The following ZNF423 variants were observed in gnomAD, a reference collection of about 807,000 sequenced individuals.
ZNF423 encodes Ebf-associated zinc finger protein.
Under a neutral mutation model 95.8 loss-of-function variants are expected in ZNF423, and 12 were observed. The ratio of observed to expected loss-of-function variants is 0.13; its 90% CI spans 0.08 to 0.20. The LOEUF (loss-of-function observed/expected upper bound fraction) is 0.20, where lower values mean the gene tolerates loss of function less well. ZNF423 is among the 10% of genes least tolerant of loss of function. The pLI is 1.00. For synonymous variants in ZNF423, 749 were observed against 711.9 expected (o/e 1.05, Z -0.83); for missense variants, 1,316 against 1,737.1 (o/e 0.76, Z 4.31).
rs531914877 is a variant in ZNF423, at chr16:49,525,034, G to A, written c.3733+329C>T. The stretch of plus-strand genomic sequence containing the variant: ...TCAAGGCTCGGGGAGACAAACACAG[G>A]GCCCGGGAGGGGAAAACTGCCGCAG... On this transcript the variant is annotated intron_variant, in intron 6 of 7. Transcript: ENST00000563137. Among the ~76,000 whole-genome samples the A allele has an allele frequency of 2.4e-3, 373 of 152,324 alleles. 2 individuals carry two copies. The highest frequency in any genetic ancestry group is 8.6e-3 in the African/African-American group (357 of 41,574).
intron 5 of ZNF423, among the ~76,000 whole-genome samples, chr16:49,600,275 G>T (rs894135261): frequency 6.6e-6 from 1 of 151,840 alleles, no homozygotes; most frequent in Admixed American, 6.6e-5. Flanking sequence ...AGCTGAGATC[G>T]CGCCACAGCA....
intron 2 of ZNF423, among the ~76,000 whole-genome samples, chr16:49,754,006 G>A (rs955027180): frequency 1.3e-5 from 2 of 151,424 alleles, no homozygotes; most frequent in African/African-American, 4.9e-5. Flanking sequence ...ACTCCAGCCT[G>A]GGCGACAAGA....
chr16:49,524,680 A>G (rs1458041421), intron 6 of ZNF423, among the ~76,000 whole-genome samples: 2 of 152,230 alleles, frequency 1.3e-5, no homozygotes, highest in African/African-American at 2.4e-5. Flanking sequence ...TGAGCACTTC[A>G]GAGATACCCT....
chr16:49,835,275 C>T (rs1284018645), intron 1 of ZNF423, among the ~76,000 whole-genome samples: 2 of 152,176 alleles, frequency 1.3e-5, no homozygotes, highest in East Asian at 1.9e-4. Context: ...GCTGTCCAGC[C>T]GGGAGGTGGG....
At chr16:49,650,671 T>C (rs994116645) in intron 3 of ZNF423, among the ~76,000 whole-genome samples, 3 of 152,188 alleles carry the variant, frequency 2.0e-5, no homozygotes, top group Admixed American at 2.0e-4. Context: ...CCCATTCAGT[T>C]AGTGAATCCC....
At chr16:49,735,378 A>T (rs141707846) in intron 2 of ZNF423, among the ~76,000 whole-genome samples, 237 of 152,122 alleles carry the variant, frequency 1.6e-3, no homozygotes, top group African/African-American at 5.4e-3. Context: ...TCTCAGCATC[A>T]CGTGCACTCA....
rs143182994 is a variant in ZNF423 at position 49,781,138 on chromosome 16, G to A, written c.100+8349C>T. On this transcript the variant is annotated intron_variant, in intron 2 of 7. Coordinates refer to ENST00000563137, the MANE Select transcript of ZNF423 (RefSeq NM_001379286.1). ...AGCGGGGAGCAATGGACAGAGAAGA[G>A]GGGAACAGTCTCTCCAGCCTTGATT... 8.1e-3 allele frequency among the ~76,000 whole-genome samples: 1,232 copies of A among 152,336 alleles called. 13 individuals carry two copies. The highest frequency in any genetic ancestry group is 0.027 in the African/African-American group (1,107 of 41,562).
chr16:49,655,341 C>A (rs1408510451), intron 3 of ZNF423, among the ~76,000 whole-genome samples: 33 of 152,160 alleles, frequency 2.2e-4, no homozygotes, highest in African/African-American at 7.5e-4. Context: ...CTCCCCAGCC[C>A]AGGGCTCTTT....
chr16:49,803,167 G>A (rs1401760940), intron 1 of ZNF423, among the ~76,000 whole-genome samples: 1 of 152,184 alleles, frequency 6.6e-6, no homozygotes, highest in African/African-American at 2.4e-5. Context: ...GCTGAGGCAG[G>A]AGGATCACTT....
At chr16:49,677,292 A>AGAAGAGAAGAGAAGGGAAGG (rs2031125603) in intron 3 of ZNF423, among the ~76,000 whole-genome samples, 1 of 81,050 alleles carries the variant, frequency 1.2e-5, no homozygotes, top group Non-Finnish European at 2.5e-5. Flanking sequence ...AGAAGAGAAG[A>AGAAGAGAAGAGAAGGGAAGG]GAAGAGAAGA....
chr16:49,699,159 A>C (rs546046933), intron 3 of ZNF423, among the ~76,000 whole-genome samples: 1 of 152,320 alleles, frequency 6.6e-6, no homozygotes, highest in Admixed American at 6.5e-5. Flanking sequence ...AAAGGGAAAA[A>C]TGGAAGCACC....
intron 3 of ZNF423, among the ~76,000 whole-genome samples, chr16:49,716,654 A>G (rs2143206089): frequency 6.6e-6 from 1 of 152,338 alleles, no homozygotes; most frequent in Admixed American, 6.5e-5. Context: ...GACCAGTGCC[A>G]GAGTTAAATT....
chr16:49,594,423 C>A (rs1383619587), intron 5 of ZNF423, among the ~76,000 whole-genome samples: 1 of 152,116 alleles, frequency 6.6e-6, no homozygotes, highest in African/African-American at 2.4e-5. Flanking sequence ...ACCTCTCTCA[C>A]ACAGACACAC....
chr16:49,742,559 C>G (rs1347938676), intron 2 of ZNF423, among the ~76,000 whole-genome samples: 1 of 152,108 alleles, frequency 6.6e-6, no homozygotes, highest in Non-Finnish European at 1.5e-5. Context: ...TCGTGACCTC[C>G]TGAGGCAGTG....
chr16:49,743,245 C>T (rs183125429), intron 2 of ZNF423, among the ~76,000 whole-genome samples: 3 of 152,316 alleles, frequency 2.0e-5, no homozygotes, highest in East Asian at 1.9e-4. Flanking sequence ...TCCTCCTCAC[C>T]GTTCAGGTCT....
chr16:49,615,705 C>T (rs1011681337), intron 5 of ZNF423, among the ~76,000 whole-genome samples: 6 of 152,056 alleles, frequency 3.9e-5, no homozygotes, highest in African/African-American at 1.4e-4. Context: ...GGCAGCCTGA[C>T]CAAGGGGCTC....
intron 1 of ZNF423, among the ~76,000 whole-genome samples, chr16:49,822,170 G>A (rs751797821): frequency 2.3e-5 from 3 of 128,322 alleles, no homozygotes; most frequent in Non-Finnish European, 3.5e-5. Context: ...CACCCCCGCA[G>A]GAATTTTTTT....
At chr16:49,813,701 G>T (rs1468474196) in intron 1 of ZNF423, among the ~76,000 whole-genome samples, 1 of 152,222 alleles carries the variant, frequency 6.6e-6, no homozygotes, top group East Asian at 1.9e-4. Flanking sequence ...TTGGCCTCCT[G>T]TTAAAGTCTC....
intron 1 of ZNF423, among the ~76,000 whole-genome samples, chr16:49,836,061 G>A (rs2035116272): frequency 6.6e-6 from 1 of 152,164 alleles, no homozygotes; most frequent in South Asian, 2.1e-4. Context: ...TCCTAGCTGA[G>A]CCAACTGGAC....
Sources: allele counts gnomAD v4.1 joint callset (sites outside exome capture counted in the v4.1 genomes callset), GRCh38; gene constraint gnomAD v4.1.1; transcripts MANE v1.5; gene names NCBI Gene and HGNC (gene_info 2026-07-23, HGNC 2026-07-21).